SERPINB12: variants seen among roughly 807,000 people sequenced by gnomAD.
SERPINB12 encodes serpin family B member 12, also known as serpin B12.
Under a neutral mutation model 41.1 loss-of-function variants are expected in SERPINB12, and 57 were observed. That is an observed-to-expected ratio of 1.39 (90% confidence interval 1.12 to 1.73). The LOEUF is 1.73. SERPINB12 is among the 40% of genes most tolerant of loss of function. The pLI is 0.00. For synonymous variants in SERPINB12, 180 were observed against 181.3 expected (o/e 0.99, Z 0.06); for missense variants, 536 against 501.9 (o/e 1.07, Z -0.65).
chr18:63,526,959 A>G, the SERPINB12 span, among the ~76,000 whole-genome samples: 1 of 152,234 alleles, frequency 6.6e-6, no homozygotes, highest in Non-Finnish European at 1.5e-5. Flanking sequence ...ATTGTAGGCA[A>G]TTGTAACACA....
At chr18:63,537,927 T>C (rs916815395), upstream of SERPINB12, among the ~76,000 whole-genome samples, 1 of 152,132 alleles carries the variant, frequency 6.6e-6, no homozygotes, top group African/African-American at 2.4e-5. Flanking sequence ...TGTGGTGGGA[T>C]GAAGGCTATG....
Position 63,565,337 on chromosome 18 carries a change from G to T in SERPINB12, c.706-108G>T, listed in dbSNP as rs575648434. Reference sequence around the variant, plus strand: ...CCTGGTGTGGCTCAGGACTTCTCCTGCAGAACCTTCTCATCTTTAGGAACC... The same window carrying T: ...CCTGGTGTGGCTCAGGACTTCTCCTTCAGAACCTTCTCATCTTTAGGAACC... On this transcript the variant is annotated intron_variant, in intron 6 of 7. Coordinates refer to ENST00000382768, the MANE Select transcript of SERPINB12 (RefSeq NM_001307928.2). 1.1e-4 allele frequency: 119 copies of T among 1,035,806 alleles called. No homozygotes were observed. In the African/African-American group the frequency reaches 1.8e-3, roughly 16 times the overall value. 64.2% of individuals were successfully genotyped at this position (1,035,806 alleles called of 1,614,324 possible).
chr18:63,557,400 A>C (rs1016015272), intron 2 of SERPINB12, among the ~76,000 whole-genome samples: 5 of 152,210 alleles, frequency 3.3e-5, no homozygotes, highest in African/African-American at 1.2e-4. Flanking sequence ...AAATAAATGA[A>C]GGTAATAAGA....
chr18:63,531,784 G>A, the SERPINB12 span, among the ~76,000 whole-genome samples: 5 of 152,070 alleles, frequency 3.3e-5, no homozygotes, highest in African/African-American at 1.2e-4. Flanking sequence ...TGAAATAATT[G>A]TATTTATTAA....
the SERPINB12 span, among the ~76,000 whole-genome samples, chr18:63,528,479 G>T: frequency 6.6e-6 from 1 of 152,068 alleles, no homozygotes; most frequent in Non-Finnish European, 1.5e-5. Flanking sequence ...GTTTTAGATG[G>T]TGGATACTGC....
chr18:63,547,349 G>A (rs917395263), intron 1 of SERPINB12, among the ~76,000 whole-genome samples: 2 of 151,540 alleles, frequency 1.3e-5, no homozygotes, highest in African/African-American at 4.8e-5. Context: ...TTTAAACAAT[G>A]TGAGTTAGAT....
rs146258375 is a variant in SERPINB12 at position 63,561,869 on chromosome 18, A to C, written c.562+667A>C. On this transcript the variant is annotated intron_variant, in intron 5 of 7. Transcript: ENST00000382768. ...GACATAAATATGGCAAGGAACAATG[A>C]ACCCTCCAGATACTAACTTGGGTCA... Among the ~76,000 whole-genome samples the C allele has an allele frequency of 1.7e-3, 263 of 152,314 alleles. 1 individual carries two copies. Among genetic ancestry groups the C allele is most frequent in the African/African-American group, 6.0e-3 (248 of 41,566 alleles).
Position 63,559,849 on chromosome 18 carries a change from G to A in SERPINB12, c.444+131G>A, listed in dbSNP as rs943367488. On this transcript the variant is annotated intron_variant, in intron 4 of 7. Coordinates refer to ENST00000382768, the MANE Select transcript of SERPINB12 (RefSeq NM_001307928.2). ...ACAGGATGATGCGCTGTGGACTGGT[G>A]AGGTGTCCAGGACCTCCCTCTTTCA... 3.4e-6 allele frequency: 3 copies of A among 889,726 alleles called. No individual in the cohort carries two copies. In the Admixed American group the frequency reaches 6.8e-5, roughly 20 times the overall value. The allele number at this position is 889,726 out of a possible 1,614,324, so 55.1% of individuals were successfully genotyped here. A position where few individuals can be genotyped will look rare whatever the true frequency, so the allele number is the denominator to read the frequency against.
At chr18:63,521,979 T>G in the SERPINB12 span, among the ~76,000 whole-genome samples, 1 of 152,230 alleles carries the variant, frequency 6.6e-6, no homozygotes, top group South Asian at 2.1e-4. Flanking sequence ...AAGCAATAGG[T>G]AGGACTACAA....
At chr18:63,535,748 G>A in the SERPINB12 span, among the ~76,000 whole-genome samples, 9 of 152,184 alleles carry the variant, frequency 5.9e-5, no homozygotes, top group African/African-American at 1.9e-4. Context: ...AGAGCATGCC[G>A]TTTTCCTTAG....
At chr18:63,522,812 A>G in the SERPINB12 span, among the ~76,000 whole-genome samples, 42 of 152,132 alleles carry the variant, frequency 2.8e-4, no homozygotes, top group Non-Finnish European at 4.1e-4. Flanking sequence ...CATGGTTAAA[A>G]ATCTGGAAAT....
At chr18:63,551,484 C>A (rs1447757049) in intron 1 of SERPINB12, among the ~76,000 whole-genome samples, 2 of 151,860 alleles carry the variant, frequency 1.3e-5, no homozygotes, top group African/African-American at 2.4e-5. Flanking sequence ...TGCCACCATG[C>A]CTGGCTAATT....
the SERPINB12 span, among the ~76,000 whole-genome samples, chr18:63,527,212 G>A: frequency 6.6e-6 from 1 of 152,144 alleles, no homozygotes; most frequent in Non-Finnish European, 1.5e-5. Flanking sequence ...AGTCAATGCA[G>A]GCAGGGAAGC....
the SERPINB12 span, among the ~76,000 whole-genome samples, chr18:63,531,753 AG>A: frequency 6.6e-6 from 1 of 152,210 alleles, no homozygotes; most frequent in African/African-American, 2.4e-5. Context: ...CAAATGCCAA[AG>A]GTTTAAGACA....
Position 63,567,228 on chromosome 18 carries a change from T to C in SERPINB12, c.*217T>C, listed in dbSNP as rs1036314265. On this transcript the variant is annotated 3_prime_UTR_variant, in exon 8 of 8. Coordinates refer to ENST00000382768, the MANE Select transcript of SERPINB12 (RefSeq NM_001307928.2). ...GGGCTGTTGTTCTCTACCCTAAACT[T>C]TCAAGCATATAAATTCACCCTCTGT... Among the ~76,000 whole-genome samples the C allele has an allele frequency of 2.0e-5, 3 of 152,160 alleles. No homozygotes were observed. The highest frequency in any genetic ancestry group is 2.0e-4 in the Admixed American group (3 of 15,286).
chr18:63,558,566 T>C (rs1910761201), intron 3 of SERPINB12, 80 bp downstream of exon 3: 2 of 1,444,942 alleles, frequency 1.4e-6, no homozygotes, highest in Non-Finnish European at 1.9e-6. Context: ...TGGTGATAGT[T>C]GCTTATCCCC....
At chr18:63,555,832 G>T (rs1910653915) in intron 1 of SERPINB12, among the ~76,000 whole-genome samples, 1 of 152,100 alleles carries the variant, frequency 6.6e-6, no homozygotes, top group Non-Finnish European at 1.5e-5. Flanking sequence ...CTGATATCTT[G>T]ATTTTGGACG....
At chr18:63,560,629 C>A (rs1435087996) in intron 4 of SERPINB12, among the ~76,000 whole-genome samples, 1 of 152,186 alleles carries the variant, frequency 6.6e-6, no homozygotes, top group East Asian at 1.9e-4. Context: ...GCATTACTTA[C>A]ATTCACAATG....
the SERPINB12 span, among the ~76,000 whole-genome samples, chr18:63,537,071 C>T: frequency 5.3e-5 from 8 of 152,086 alleles, no homozygotes; most frequent in Non-Finnish European, 1.0e-4. Flanking sequence ...AGTGGAACAA[C>T]TATGTAAATA....
Sources: allele counts gnomAD v4.1 joint callset (sites outside exome capture counted in the v4.1 genomes callset), GRCh38; gene constraint gnomAD v4.1.1; transcripts MANE v1.5; gene names NCBI Gene and HGNC (gene_info 2026-07-23, HGNC 2026-07-21).